CAPS2: variants seen among roughly 807,000 people sequenced by gnomAD.
The protein encoded by CAPS2 is calcyphosin-2.
In CAPS2, 98 loss-of-function variants were observed where a neutral mutation model predicts 86.5. The observed-to-expected ratio is 1.13, with a 90% CI of 0.96 to 1.34. The LOEUF (loss-of-function observed/expected upper bound fraction) is 1.34, where lower values mean the gene tolerates loss of function less well. Among genes scored for constraint, CAPS2 ranks in the 40% most tolerant of loss-of-function variants. CAPS2 has a pLI of 0.00. For synonymous variants in CAPS2, 210 were observed against 225.1 expected (o/e 0.93, Z 0.60); for missense variants, 729 against 686.8 (o/e 1.06, Z -0.69).
chr12:75,359,178 A>T (rs1399352957), intron 1 of CAPS2, among the ~76,000 whole-genome samples: 4 of 150,642 alleles, frequency 2.7e-5, no homozygotes, highest in Non-Finnish European at 3.0e-5. Context: ...CAGAAATTGA[A>T]TGAAAATAAC....
At chr12:75,349,138 GA>G in intron 1 of CAPS2, among the ~76,000 whole-genome samples, 1 of 152,240 alleles carries the variant, frequency 6.6e-6, no homozygotes, top group South Asian at 2.1e-4. Context: ...TGCACGTGAG[GA>G]AACAACTTCA....
At chr12:75,373,620 C>G (rs1221192455) in intron 1 of CAPS2, 1 of 152,174 alleles carries the variant, frequency 6.6e-6, no homozygotes, top group Non-Finnish European at 1.5e-5. Context: ...TCAGGGATAC[C>G]AAGAAAGGGG....
At chr12:75,373,656 G>C (rs959868108) in intron 1 of CAPS2, 1 of 152,226 alleles carries the variant, frequency 6.6e-6, no homozygotes, top group African/African-American at 2.4e-5. Context: ...TGTCCATTTT[G>C]GGGTGGTGTC....
chr12:75,321,488 C>G, exon 5 of CAPS2: 3 of 1,545,560 alleles, frequency 1.9e-6, no homozygotes, highest in African/African-American at 1.4e-5. Flanking sequence ...CTGCTTATAG[C>G]CCTCTTTAAT....
chr12:75,372,587 C>T (rs1307102171), intron 1 of CAPS2, among the ~76,000 whole-genome samples: 5 of 152,160 alleles, frequency 3.3e-5, no homozygotes, highest in Non-Finnish European at 5.9e-5. Flanking sequence ...TCCACTTCCA[C>T]CCTTTGATGC....
intron 1 of CAPS2, chr12:75,369,899 A>G: frequency 1.5e-6 from 2 of 1,313,556 alleles, no homozygotes; most frequent in Non-Finnish European, 1.0e-6. Context: ...CCATAAAAGC[A>G]AAGAAATATG....
intron 1 of CAPS2, among the ~76,000 whole-genome samples, chr12:75,378,603 T>C (rs2044786781): frequency 6.6e-6 from 1 of 152,210 alleles, no homozygotes; most frequent in African/African-American, 2.4e-5. Flanking sequence ...AAAATGTTTA[T>C]GTTGCAGTCT....
At chr12:75,371,038 T>C (rs1232078054) in intron 1 of CAPS2, 2 of 152,242 alleles carry the variant, frequency 1.3e-5, no homozygotes, top group African/African-American at 4.8e-5. Context: ...CTAGGTTATA[T>C]GCATGTATAA....
exon 1 of CAPS2, chr12:75,326,421 T>C (rs2040789646): frequency 2.2e-6 from 3 of 1,393,626 alleles, no homozygotes; most frequent in African/African-American, 1.4e-5. Context: ...CACATACTTG[T>C]AGAGGCTTCT....
chr12:75,343,778 A>G (rs752934914), intron 1 of CAPS2: 11 of 1,613,002 alleles, frequency 6.8e-6, no homozygotes, highest in Non-Finnish European at 9.3e-6. Context: ...GATAAATCAT[A>G]TAAATGCTAT....
downstream of CAPS2, chr12:75,276,737 A>C (rs2033001817): frequency 1.2e-6 from 1 of 839,926 alleles, no homozygotes; most frequent in Non-Finnish European, 1.4e-6. Flanking sequence ...AGTATGGTTA[A>C]CTGAGAAAGC....
intron 7 of CAPS2, among the ~76,000 whole-genome samples, chr12:75,306,623 G>A (rs934745166): frequency 6.6e-6 from 1 of 152,096 alleles, no homozygotes; most frequent in Non-Finnish European, 1.5e-5. Context: ...TCCCAGAGAC[G>A]TGCTAAACTG....
At chr12:75,333,868 G>GTT (rs1565939339), upstream of CAPS2, 1 of 152,088 alleles carries the variant, frequency 6.6e-6, no homozygotes, top group East Asian at 1.9e-4. Context: ...AAAAATGCTG[G>GTT]TTTATTACAG....
intron 11 of CAPS2, 86 bp from the exon 12 acceptor site, chr12:75,293,453 T>A (rs1362425375): frequency 1.2e-6 from 1 of 839,092 alleles, no homozygotes; most frequent in Non-Finnish European, 2.0e-6. Flanking sequence ...TGGATTTTGA[T>A]TAATGTGACA....
chr12:75,333,476 A>T (rs1294489562), upstream of CAPS2, among the ~76,000 whole-genome samples: 1 of 152,074 alleles, frequency 6.6e-6, no homozygotes, highest in Non-Finnish European at 1.5e-5. Context: ...ATATATGTTC[A>T]TGTCTTTGGG....
At chr12:75,282,508 T>G (rs1190773579) in intron 15 of CAPS2, among the ~76,000 whole-genome samples, 161 bp from the exon 16 acceptor site, 3 of 152,140 alleles carry the variant, frequency 2.0e-5, no homozygotes, top group African/African-American at 4.8e-5. Context: ...TGCCTCAGCC[T>G]ACCGAGTAGC....
intron 13 of CAPS2, among the ~76,000 whole-genome samples, chr12:75,291,494 T>C (rs1593263760): frequency 2.1e-5 from 2 of 97,298 alleles, no homozygotes; most frequent in Non-Finnish European, 4.2e-5. Flanking sequence ...TATATATATA[T>C]ATATATATAT....
At chr12:75,340,882 C>T (rs1298881747) in intron 1 of CAPS2, among the ~76,000 whole-genome samples, 2 of 151,820 alleles carry the variant, frequency 1.3e-5, no homozygotes, top group Non-Finnish European at 2.9e-5. Context: ...AAGGACATAT[C>T]ACGACACACC....
chr12:75,340,851 T>C (rs751985187), intron 1 of CAPS2, among the ~76,000 whole-genome samples: 32 of 150,872 alleles, frequency 2.1e-4, no homozygotes, highest in Non-Finnish European at 3.9e-4. Flanking sequence ...TAGCCATTAG[T>C]GAAATGCAAA....
Sources: allele counts gnomAD v4.1 joint callset (sites outside exome capture counted in the v4.1 genomes callset), GRCh38; gene constraint gnomAD v4.1.1; transcripts MANE v1.5; gene names NCBI Gene and HGNC (gene_info 2026-07-23, HGNC 2026-07-21).